Variants in ARHGAP32 observed in about 807,000 individuals in gnomAD.
ARHGAP32 encodes Rho GTPase activating protein 32, also known as rho GTPase-activating protein 32.
A neutral mutation model predicts 186.5 loss-of-function variants in ARHGAP32; 51 were observed. The observed-to-expected ratio is 0.27, with a 90% CI of 0.22 to 0.35. The LOEUF (loss-of-function observed/expected upper bound fraction) is 0.35, where lower values mean the gene tolerates loss of function less well. ARHGAP32 is among the 10% of genes least tolerant of loss of function. The pLI, the probability that ARHGAP32 is intolerant of heterozygous loss-of-function variation, is 1.00. For synonymous variants in ARHGAP32, 950 were observed against 964.3 expected (o/e 0.99, Z 0.27); for missense variants, 2,186 against 2,623.5 (o/e 0.83, Z 3.64).
At chr11:129,106,182 A>G (rs1461370694) in intron 5 of ARHGAP32, among the ~76,000 whole-genome samples, 1 of 152,178 alleles carries the variant, frequency 6.6e-6, no homozygotes, top group African/African-American at 2.4e-5. Context: ...ATATATATAC[A>G]AAAGAAAACA....
In ARHGAP32 at chr11:129,159,473, G is replaced by T. The variant is rs977300522; in HGVS notation, c.225+4846C>A. On this transcript the variant is annotated intron_variant, in intron 2 of 22. Coordinates refer to ENST00000682385, the MANE Select transcript of ARHGAP32 (RefSeq NM_001378024.1). ...TCTAGAAGAAATGGATAAATTCCTG[G>T]ACACATACACCTTCCCAAACTAGGA... Among the ~76,000 whole-genome samples, 96 of 151,952 alleles carry T rather than the reference G, an allele frequency of 6.3e-4. 1 individual carries two copies. Among genetic ancestry groups the T allele is most frequent in the African/African-American group, 2.3e-3 (95 of 41,376 alleles).
chr11:129,258,906 T>C (rs1945289035), intron 1 of ARHGAP32, among the ~76,000 whole-genome samples: 1 of 152,172 alleles, frequency 6.6e-6, no homozygotes, highest in South Asian at 2.1e-4. Flanking sequence ...CCCTATCAGG[T>C]ACCAAGACAA....
At chr11:129,057,675 A>G (rs1026782022) in intron 10 of ARHGAP32, among the ~76,000 whole-genome samples, 14 of 150,156 alleles carry the variant, frequency 9.3e-5, no homozygotes, top group African/African-American at 3.5e-4. Context: ...ACATCCCACA[A>G]ATACTGTATT....
intron 1 of ARHGAP32, among the ~76,000 whole-genome samples, chr11:129,231,013 T>C (rs1292526594): frequency 6.6e-6 from 1 of 152,070 alleles, no homozygotes; most frequent in Non-Finnish European, 1.5e-5. Flanking sequence ...TGGGTGCCTG[T>C]AATCCCAGCT....
intron 2 of ARHGAP32, among the ~76,000 whole-genome samples, chr11:129,156,011 G>GGACTGTGCCGTGAGAA (rs1258944329): frequency 1.1e-3 from 170 of 152,296 alleles, no homozygotes; most frequent in Admixed American, 1.6e-3. Context: ...AAGATGTGAG[G>GGACTGTGCCGTGAGAA]GACTGTGCCG....
chr11:129,124,778 G>T, intron 3 of ARHGAP32, 25 bp downstream of exon 3: 4 of 1,507,390 alleles, frequency 2.7e-6, no homozygotes, highest in Non-Finnish European at 3.6e-6. Context: ...AATTCATTTA[G>T]AATCCACTGT....
intron 2 of ARHGAP32, among the ~76,000 whole-genome samples, chr11:129,145,326 A>G (rs939927221): frequency 8.4e-6 from 1 of 119,042 alleles, no homozygotes; most frequent in African/African-American, 2.8e-5. Flanking sequence ...AAGATATATT[A>G]TAAATATAAA....
Position 129,123,329 on chromosome 11 carries a change from TAAAA to T in ARHGAP32, c.444+113_444+116del. Reference sequence around the variant, plus strand: ...TTACCTCAACCAATAAGACATCAATTAAAAAAAAAACTACTTCAAAGTGTCATCT... The same window carrying T: ...TTACCTCAACCAATAAGACATCAATTAAAAAACTACTTCAAAGTGTCATCT... On this transcript the variant is annotated intron_variant, in intron 5 of 22. Transcript: ENST00000682385. The surrounding 1 kb of genome is among the most constrained non-coding windows in gnomAD (Gnocchi z 4.6). The T allele has an allele frequency of 1.4e-6, 1 of 734,654 alleles. No individual in the cohort carries two copies. Among genetic ancestry groups the T allele is most frequent in the Non-Finnish European group, 2.1e-6 (1 of 468,882 alleles). 45.5% of individuals were successfully genotyped at this position (734,654 alleles called of 1,614,324 possible).
intron 10 of ARHGAP32, among the ~76,000 whole-genome samples, chr11:129,053,487 T>C (rs968062933): frequency 6.6e-6 from 1 of 152,306 alleles, no homozygotes; most frequent in Non-Finnish European, 1.5e-5. Flanking sequence ...GAAAAATCTA[T>C]GATTCACACA....
At chr11:129,199,479 G>A (rs1437855024) in intron 1 of ARHGAP32, among the ~76,000 whole-genome samples, 1 of 152,248 alleles carries the variant, frequency 6.6e-6, no homozygotes, top group Non-Finnish European at 1.5e-5. Context: ...ATGGCTAAAA[G>A]GGGCCAAGAT....
chr11:129,185,511 T>C (rs1462163407), intron 1 of ARHGAP32, among the ~76,000 whole-genome samples: 6 of 151,986 alleles, frequency 3.9e-5, no homozygotes, highest in Non-Finnish European at 7.4e-5. Flanking sequence ...AAATGACGAG[T>C]TACTGGGTGT....
intron 2 of ARHGAP32, among the ~76,000 whole-genome samples, chr11:129,152,558 C>T (rs1943311705): frequency 1.3e-5 from 2 of 152,084 alleles, no homozygotes; most frequent in Non-Finnish European, 2.9e-5. Context: ...GGTTTCACAG[C>T]AGGAATGCAC....
chr11:129,022,726 G>A (rs1165735894), intron 11 of ARHGAP32, among the ~76,000 whole-genome samples: 1 of 152,022 alleles, frequency 6.6e-6, no homozygotes, highest in Admixed American at 6.6e-5. Context: ...TGAGGTACAG[G>A]GCTAACCAGA....
In ARHGAP32 at chr11:129,056,014, A is replaced by ATT. The variant is rs201806217; in HGVS notation, c.963+6264_963+6265dup. 3.9e-5 allele frequency among the ~76,000 whole-genome samples: 6 copies of ATT among 152,218 alleles called. No individual in the cohort carries two copies. The East Asian group carries it at 1.2e-3, about 29-fold the overall frequency. ...GTTGCAAGGTATGATTTGAGACTGT[A>ATT]TTTTTTTCTGTGTGATTCTGGCCCT... On this transcript the variant is annotated intron_variant, in intron 10 of 22. Transcript: ENST00000682385.
At chr11:129,129,294 G>C (rs927693538) in intron 2 of ARHGAP32, among the ~76,000 whole-genome samples, 8 of 143,432 alleles carry the variant, frequency 5.6e-5, no homozygotes, top group Non-Finnish European at 7.9e-5. Flanking sequence ...TGGGAAGTGA[G>C]GACCCCCTCC....
At chr11:129,193,717 T>TTATATATTATATAA (rs1944348032), upstream of ARHGAP32, among the ~76,000 whole-genome samples, 6 of 43,802 alleles carry the variant, frequency 1.4e-4, no homozygotes, top group African/African-American at 3.9e-4. Flanking sequence ...ATATTATATA[T>TTATATATTATATAA]TATATATTAT....
chr11:129,252,073 C>T (rs1253541395), intron 1 of ARHGAP32, among the ~76,000 whole-genome samples: 1 of 151,792 alleles, frequency 6.6e-6, no homozygotes, highest in African/African-American at 2.4e-5. Flanking sequence ...ATTTAAATAT[C>T]AATTATTAAA....
intron 2 of ARHGAP32, among the ~76,000 whole-genome samples, chr11:129,126,868 T>C (rs781733822): frequency 6.6e-6 from 1 of 152,292 alleles, no homozygotes; most frequent in Non-Finnish European, 1.5e-5. Context: ...AGTGTGACAA[T>C]ACTCTTTCAT....
chr11:129,107,448 AC>A (rs1942079424), intron 5 of ARHGAP32, among the ~76,000 whole-genome samples: 1 of 152,170 alleles, frequency 6.6e-6, no homozygotes. Flanking sequence ...CTGGTTTAGA[AC>A]CCCACTTTTT....
Sources: allele counts gnomAD v4.1 joint callset (sites outside exome capture counted in the v4.1 genomes callset), GRCh38; gene constraint gnomAD v4.1.1; non-coding constraint Gnocchi (gnomAD v3.1); transcripts MANE v1.5; gene names NCBI Gene and HGNC (gene_info 2026-07-23, HGNC 2026-07-21).